The following ZEB1 variants were observed in gnomAD, a reference collection of about 807,000 sequenced individuals.
ZEB1 encodes the protein zinc finger E-box-binding homeobox 1.
Under a neutral mutation model 84.9 loss-of-function variants are expected in ZEB1, and 21 were observed. The observed-to-expected ratio is 0.25, with a 90% CI of 0.18 to 0.36. The LOEUF is 0.36. Ranked by LOEUF, ZEB1 falls within the 10% of genes least tolerant of loss-of-function variation. ZEB1 has a pLI of 1.00. For missense variants in ZEB1, 1,104 were observed against 1,330.2 expected (o/e 0.83, Z 2.65); for synonymous variants, 420 against 471.1 (o/e 0.89, Z 1.41).
chr10:31,442,735 G>C (rs1479649645), intron 1 of ZEB1, among the ~76,000 whole-genome samples: 1 of 152,078 alleles, frequency 6.6e-6, no homozygotes, highest in Non-Finnish European at 1.5e-5. Flanking sequence ...GAGTTAAGAG[G>C]AAACTGATAG....
Position 31,527,207 on chromosome 10 carries a change from A to G in ZEB1, c.3321A>G (p.Gly1107=). 1 of 1,611,760 alleles carries G rather than the reference A, an allele frequency of 6.2e-7. No individual in the cohort carries two copies. Among genetic ancestry groups the G allele is most frequent in the Non-Finnish European group, 8.5e-7 (1 of 1,179,012 alleles). Residue 1107 remains glycine (G), a synonymous_variant, in exon 9 of 9, where the codon GGA becomes GGG. Coordinates refer to ENST00000424869, the MANE Select transcript of ZEB1 (RefSeq NM_001174096.2). ...DRAESQASSL[G]QKVGESSEQV... is the part of the protein sequence containing the mutation. ...CTGAAAGTCAAGCAAGCAGCTTAGGACAAAAAGTAGGCGAGAGTAGTGAGC... is the reference window on the plus strand; with the variant it reads ...CTGAAAGTCAAGCAAGCAGCTTAGGGCAAAAAGTAGGCGAGAGTAGTGAGC...
intron 1 of ZEB1, among the ~76,000 whole-genome samples, chr10:31,444,884 C>T (rs2059555847): frequency 6.6e-6 from 1 of 151,994 alleles, no homozygotes; most frequent in Non-Finnish European, 1.5e-5. Context: ...TTAGGATTGA[C>T]TTGGCGATGC....
chr10:31,431,234 C>T (rs1022913037), intron 1 of ZEB1, among the ~76,000 whole-genome samples: 3 of 152,166 alleles, frequency 2.0e-5, no homozygotes, highest in Admixed American at 6.5e-5. Flanking sequence ...AAGTGCCTGA[C>T]CAGAAGTCCA....
intron 1 of ZEB1, among the ~76,000 whole-genome samples, chr10:31,337,842 G>A (rs1018021742): frequency 2.6e-5 from 4 of 151,572 alleles, no homozygotes; most frequent in South Asian, 2.1e-4. Context: ...CCACCACCAC[G>A]CTGGCTAATT....
intron 1 of ZEB1, among the ~76,000 whole-genome samples, chr10:31,448,776 A>T (rs1012765008): frequency 2.0e-5 from 3 of 152,102 alleles, no homozygotes; most frequent in Non-Finnish European, 4.4e-5. Context: ...CCATTCTCAG[A>T]TCTCCAGCTG....
chr10:31,333,480 A>G (rs369101677), intron 1 of ZEB1, among the ~76,000 whole-genome samples: 30 of 152,268 alleles, frequency 2.0e-4, no homozygotes, highest in African/African-American at 6.0e-4. Flanking sequence ...GGAGGAGGGT[A>G]AAATTATTGA....
chr10:31,456,671 A>T (rs1472278093), intron 1 of ZEB1, among the ~76,000 whole-genome samples: 2 of 152,154 alleles, frequency 1.3e-5, no homozygotes, highest in Non-Finnish European at 1.5e-5. Context: ...TCTTCAACTT[A>T]GTAGCTACAT....
intron 1 of ZEB1, among the ~76,000 whole-genome samples, chr10:31,331,050 A>T (rs1298630884): frequency 6.8e-6 from 1 of 147,586 alleles, no homozygotes; most frequent in Non-Finnish European, 1.5e-5. Flanking sequence ...AGGAGTCTTA[A>T]ATTTCATTTT....
At chr10:31,456,390 T>TA (rs1331048373) in intron 1 of ZEB1, among the ~76,000 whole-genome samples, 1 of 152,074 alleles carries the variant, frequency 6.6e-6, no homozygotes, top group Non-Finnish European at 1.5e-5. Context: ...CCCCAGAACT[T>TA]AAAGTATAAT....
chr10:31,387,293 T>G, intron 1 of ZEB1: 1 of 985,680 alleles, frequency 1.0e-6, no homozygotes, highest in Non-Finnish European at 1.2e-6. Context: ...GAGTGCACAC[T>G]CGTGGGCCCA....
intron 1 of ZEB1, chr10:31,363,571 G>A: frequency 2.0e-6 from 3 of 1,527,354 alleles, no homozygotes; most frequent in Non-Finnish European, 2.6e-6. Flanking sequence ...TTTCACCTCT[G>A]TTGCTTCTTT....
chr10:31,358,267 A>G (rs1390150776), intron 1 of ZEB1: 1 of 152,186 alleles, frequency 6.6e-6, no homozygotes, highest in Non-Finnish European at 1.5e-5. Context: ...GGTCCACCAC[A>G]GTTGCATTAA....
intron 2 of ZEB1, among the ~76,000 whole-genome samples, chr10:31,493,956 A>G (rs1033709625): frequency 4.6e-5 from 7 of 152,048 alleles, no homozygotes; most frequent in African/African-American, 1.7e-4. Flanking sequence ...TGCAGTTCCT[A>G]AAATAGTTAT....
At chr10:31,428,690 A>G (rs1370706339) in intron 1 of ZEB1, among the ~76,000 whole-genome samples, 1 of 152,200 alleles carries the variant, frequency 6.6e-6, no homozygotes, top group East Asian at 1.9e-4. Context: ...TGAGAGTCTC[A>G]GTCTCTTTGA....
intron 1 of ZEB1, among the ~76,000 whole-genome samples, chr10:31,407,038 G>A (rs564804751): frequency 1.3e-5 from 2 of 151,976 alleles, no homozygotes; most frequent in Admixed American, 6.5e-5. Context: ...CCTCTGTTCT[G>A]TTCCATTAGT....
chr10:31,400,056 C>T (rs1178481660), intron 1 of ZEB1, among the ~76,000 whole-genome samples: 4 of 152,210 alleles, frequency 2.6e-5, no homozygotes, highest in Admixed American at 1.3e-4. Context: ...TGCAGATTTC[C>T]CCTACTTCAC....
Position 31,527,105 on chromosome 10 carries a change from GGAA to G in ZEB1, c.3228_3230del (p.Glu1077del), listed in dbSNP as rs760980235. 622 of 1,600,366 alleles carry G rather than the reference GGAA, an allele frequency of 3.9e-4. 1 individual carries two copies. Among genetic ancestry groups the G allele is most frequent in the Admixed American group, 3.4e-4 (20 of 58,924 alleles). On this transcript the variant is annotated inframe_deletion, in exon 9 of 9. Transcript: ENST00000424869. ...AAGAGGAGGAGGAGGAGGAAGAAGT[GGAA>G]GAAGAAGAGGTAGAAGAGGCAGAGA...
chr10:31,382,840 AATAC>A (rs1455040712), intron 1 of ZEB1, among the ~76,000 whole-genome samples: 2 of 152,112 alleles, frequency 1.3e-5, no homozygotes, highest in African/African-American at 2.4e-5. Context: ...TCAAGATTAT[AATAC>A]ATAAGTGAGA....
intron 1 of ZEB1, among the ~76,000 whole-genome samples, chr10:31,337,532 T>G (rs938859534): frequency 6.6e-6 from 1 of 152,064 alleles, no homozygotes; most frequent in Admixed American, 6.6e-5. Context: ...GAATGATTTT[T>G]GGGGGAACTC....
Sources: gnomAD v4.1 joint callset for allele counts (sites outside exome capture counted in the v4.1 genomes callset) on GRCh38, gnomAD v4.1.1 for gene constraint, MANE v1.5 for transcripts, NCBI Gene and HGNC (gene_info 2026-07-23, HGNC 2026-07-21) for gene names.